The following NRXN1 variants were observed in gnomAD, a reference collection of about 807,000 sequenced individuals.
The protein encoded by NRXN1 is neurexin 1.
In NRXN1, 39 loss-of-function variants were observed where a neutral mutation model predicts 150.9. The ratio of observed to expected loss-of-function variants is 0.26; its 90% CI spans 0.20 to 0.34. The LOEUF (loss-of-function observed/expected upper bound fraction) is 0.34, where lower values mean the gene tolerates loss of function less well. Among genes scored for constraint, NRXN1 ranks in the 10% least tolerant of loss-of-function variants. NRXN1 has a pLI of 1.00. For missense variants in NRXN1, 1,815 were observed against 1,949.9 expected (o/e 0.93, Z 1.30); for synonymous variants, 924 against 757.0 (o/e 1.22, Z -3.62).
intron 21 of NRXN1, among the ~76,000 whole-genome samples, chr2:49,988,235 G>C (rs1363025): frequency 6.6e-6 from 1 of 151,256 alleles, no homozygotes; most frequent in African/African-American, 2.4e-5. Context: ...ATTATCTCCT[G>C]ATCTAGGAAA....
At chr2:50,322,993 A>AT (rs1035769007) in intron 17 of NRXN1, among the ~76,000 whole-genome samples, 29 of 152,344 alleles carry the variant, frequency 1.9e-4, no homozygotes, top group African/African-American at 6.5e-4. Context: ...GTATGACAGT[A>AT]TATATTAGAA....
intron 19 of NRXN1, among the ~76,000 whole-genome samples, chr2:50,080,680 GAT>G (rs143575293): frequency 0.014 from 2,139 of 152,190 alleles, 51 homozygotes; most frequent in African/African-American, 0.049. Flanking sequence ...TTATTAGAAG[GAT>G]AATGGCATTC....
rs760895152 is a variant in NRXN1, at chr2:50,538,488, G to T, written c.1908C>A (p.Leu636=). 7 of 1,613,532 alleles carry T rather than the reference G, an allele frequency of 4.3e-6. No individual in the cohort carries two copies. The Admixed American group carries it at 1.0e-4, about 23-fold the overall frequency. The change falls in exon 10 of 23, where the codon CTC becomes CTA. Residue 636 remains leucine, a synonymous_variant. Coordinates refer to ENST00000401669, the MANE Select transcript of NRXN1 (RefSeq NM_001330078.2). ...TGATGCAGCCCACGTAGCCATAGTTGAGCAGAGCAGTCCACACCTCGGTGG... is the reference window on the plus strand; with the variant it reads ...TGATGCAGCCCACGTAGCCATAGTTTAGCAGAGCAGTCCACACCTCGGTGG... ...VFPTEVWTAL[L]NYGYVGCIRD... is the part of the protein sequence containing the mutation.
At chr2:50,832,775 C>T (rs1468072641) in intron 5 of NRXN1, among the ~76,000 whole-genome samples, 1 of 152,086 alleles carries the variant, frequency 6.6e-6, no homozygotes, top group African/African-American at 2.4e-5. Flanking sequence ...TTTCTGTTTT[C>T]CTCAGGGTAT....
intron 17 of NRXN1, among the ~76,000 whole-genome samples, chr2:50,286,066 T>G (rs2152938078): frequency 6.6e-6 from 1 of 152,266 alleles, no homozygotes; most frequent in Non-Finnish European, 1.5e-5. Context: ...TCTTTTGAAG[T>G]ATATATACAT....
At chr2:50,010,520 T>G (rs1434730903) in intron 21 of NRXN1, among the ~76,000 whole-genome samples, 1 of 152,114 alleles carries the variant, frequency 6.6e-6, no homozygotes, top group Non-Finnish European at 1.5e-5. Flanking sequence ...GAAAATGCCC[T>G]GCTAGCCCCT....
At chr2:50,559,134 T>A (rs1573544700) in intron 8 of NRXN1, among the ~76,000 whole-genome samples, 1 of 152,178 alleles carries the variant, frequency 6.6e-6, no homozygotes, top group South Asian at 2.1e-4. Context: ...TTATTTCAAG[T>A]ACCAGAATTT....
intron 2 of NRXN1, among the ~76,000 whole-genome samples, chr2:50,980,424 T>A (rs547509245): frequency 6.6e-6 from 1 of 152,290 alleles, no homozygotes; most frequent in East Asian, 1.9e-4. Context: ...TTACAATATT[T>A]TGACAGCTTT....
At chr2:50,633,718 G>C (rs1467954137) in intron 5 of NRXN1, among the ~76,000 whole-genome samples, 2 of 151,946 alleles carry the variant, frequency 1.3e-5, no homozygotes, top group African/African-American at 4.8e-5. Context: ...AGAATCCAAA[G>C]GTTTAACACA....
At chr2:50,956,700 G>C (rs1692335452) in intron 2 of NRXN1, among the ~76,000 whole-genome samples, 1 of 151,868 alleles carries the variant, frequency 6.6e-6, no homozygotes, top group Non-Finnish European at 1.5e-5. Flanking sequence ...GTGGGCGACA[G>C]AGTGAGACTA....
At chr2:50,268,192 T>C (rs2069125114) in intron 17 of NRXN1, among the ~76,000 whole-genome samples, 2 of 151,948 alleles carry the variant, frequency 1.3e-5, no homozygotes, top group African/African-American at 2.4e-5. Context: ...TGACTCAAAA[T>C]AATAAAATAA....
In NRXN1 at chr2:50,886,098, G is replaced by A. The variant is rs1035245165; in HGVS notation, c.832+35771C>T. Among the ~76,000 whole-genome samples the A allele has an allele frequency of 7.3e-5, 11 of 151,188 alleles. No homozygotes were observed. In the Admixed American group the frequency reaches 7.3e-4, roughly 10 times the overall value. On this transcript the variant is annotated intron_variant, in intron 5 of 22. Coordinates refer to ENST00000401669, the MANE Select transcript of NRXN1 (RefSeq NM_001330078.2). ...TATAGACTAGTGAATCCATTTTTGTGCTCCTTTTTAAGTAGTCTACTGGGG... is the reference window on the plus strand; with the variant it reads ...TATAGACTAGTGAATCCATTTTTGTACTCCTTTTTAAGTAGTCTACTGGGG...
At chr2:50,771,032 T>C (rs1574419350) in intron 5 of NRXN1, among the ~76,000 whole-genome samples, 1 of 152,014 alleles carries the variant, frequency 6.6e-6, no homozygotes, top group South Asian at 2.1e-4. Context: ...TACTCCCAAA[T>C]CTCTGCTGAA....
At chr2:50,956,392 C>T (rs900009178) in intron 2 of NRXN1, among the ~76,000 whole-genome samples, 5 of 152,056 alleles carry the variant, frequency 3.3e-5, no homozygotes, top group African/African-American at 9.7e-5. Flanking sequence ...GGGGAGTAAT[C>T]GCTATACATA....
At chr2:49,958,826 T>C (rs1051369474) in intron 21 of NRXN1, among the ~76,000 whole-genome samples, 2 of 152,222 alleles carry the variant, frequency 1.3e-5, no homozygotes, top group African/African-American at 4.8e-5. Context: ...TCAGCCTTTA[T>C]AGACCTCTTT....
chr2:50,818,647 G>T (rs1038144017), intron 5 of NRXN1, among the ~76,000 whole-genome samples: 1 of 151,606 alleles, frequency 6.6e-6, no homozygotes, highest in South Asian at 2.1e-4. Flanking sequence ...GACACCAAAA[G>T]TACAGAAAAG....
At chr2:50,298,324 CT>C (rs1183623506) in intron 17 of NRXN1, among the ~76,000 whole-genome samples, 6 of 152,184 alleles carry the variant, frequency 3.9e-5, no homozygotes, top group Admixed American at 1.3e-4. Flanking sequence ...GACTTTTACT[CT>C]CTTTTAGACT....
chr2:50,737,143 C>T (rs1038602388), intron 5 of NRXN1, among the ~76,000 whole-genome samples: 5 of 151,954 alleles, frequency 3.3e-5, no homozygotes, highest in Non-Finnish European at 7.4e-5. Context: ...CCTGTAATCC[C>T]AGCTACTTGG....
intron 5 of NRXN1, among the ~76,000 whole-genome samples, chr2:50,688,586 G>GCAAT (rs1019916932): frequency 2.4e-4 from 37 of 152,230 alleles, no homozygotes; most frequent in African/African-American, 8.4e-4. Flanking sequence ...GGTTTTTGCT[G>GCAAT]CAATCAGTAA....
Sources: gnomAD v4.1 joint callset for allele counts (sites outside exome capture counted in the v4.1 genomes callset) on GRCh38, gnomAD v4.1.1 for gene constraint, MANE v1.5 for transcripts, NCBI Gene and HGNC (gene_info 2026-07-23, HGNC 2026-07-21) for gene names.